TMCO6: variants seen among roughly 807,000 people sequenced by gnomAD.
TMCO6 encodes the protein transmembrane and coiled-coil domains 6.
In TMCO6, 47 loss-of-function variants were observed where a neutral mutation model predicts 61.8. The observed-to-expected ratio is 0.76, with a 90% CI of 0.60 to 0.97. The LOEUF (loss-of-function observed/expected upper bound fraction) is 0.97. TMCO6 is among the 50% of genes least tolerant of loss of function. The pLI is 0.00. For synonymous variants in TMCO6, 261 were observed against 254.2 expected, an observed-to-expected ratio of 1.03 and a Z score of -0.25; for missense variants, 557 against 601.6, an observed-to-expected ratio of 0.93 and a Z score of 0.78.
chr5:140,636,233 G>A (rs189877280), upstream of TMCO6, among the ~76,000 whole-genome samples: 118 of 152,246 alleles, frequency 7.8e-4, 1 homozygote, highest in African/African-American at 2.7e-3. Flanking sequence ...CCTGACCTCA[G>A]GTGATCCACC....
At chr5:140,631,570 T>C in the TMCO6 span, among the ~76,000 whole-genome samples, 1 of 152,214 alleles carries the variant, frequency 6.6e-6, no homozygotes, top group Non-Finnish European at 1.5e-5. Context: ...AGTCCTTTCC[T>C]GGCTCCTTCT....
chr5:140,639,194 C>T, upstream of TMCO6: 1 of 268,430 alleles, frequency 3.7e-6, no homozygotes, highest in Non-Finnish European at 7.3e-6. Flanking sequence ...GTTGTGTTTG[C>T]TGAGTAGATT....
the TMCO6 span, among the ~76,000 whole-genome samples, chr5:140,623,967 C>G: frequency 1.5e-3 from 235 of 152,266 alleles, 1 homozygote; most frequent in Middle Eastern, 3.4e-3. Flanking sequence ...CATTTCCCCC[C>G]ACTTCTACTA....
chr5:140,642,017 C>G lies in TMCO6; in HGVS notation c.462C>G (p.Leu154=). Residue 154 remains leucine, a synonymous_variant, in exon 4 of 12, where the codon CTC becomes CTG. Transcript: ENST00000394671. ...CCTGCCTGCCAGCCACTTCTTACCTCCTCACCTACCTCTCCAGTCACAGCT... is the reference window on the plus strand; with the variant it reads ...CCTGCCTGCCAGCCACTTCTTACCTGCTCACCTACCTCTCCAGTCACAGCT... ...AEACLPATSY[L]LTYLSSHSSD... 1 of 1,612,124 alleles carries G rather than the reference C, an allele frequency of 6.2e-7. No homozygotes were observed. Among genetic ancestry groups the G allele is most frequent in the Non-Finnish European group, 8.5e-7 (1 of 1,178,270 alleles).
the TMCO6 span, among the ~76,000 whole-genome samples, chr5:140,607,690 C>T: frequency 6.6e-6 from 1 of 152,016 alleles, no homozygotes; most frequent in Non-Finnish European, 1.5e-5. Flanking sequence ...TCCTTCTTCT[C>T]CACCTTCTTG....
the TMCO6 span, among the ~76,000 whole-genome samples, chr5:140,598,736 C>T: frequency 6.6e-6 from 1 of 152,120 alleles, no homozygotes. Context: ...AATTTTGAGA[C>T]CAGCCTGGTC....
the TMCO6 span, among the ~76,000 whole-genome samples, chr5:140,607,687 T>C: frequency 1.3e-5 from 2 of 152,176 alleles, no homozygotes; most frequent in African/African-American, 4.8e-5. Context: ...GGTTCCTTCT[T>C]CTCCACCTTC....
At chr5:140,647,166 C>A (rs1757448849), downstream of TMCO6, 5 of 1,368,920 alleles carry the variant, frequency 3.7e-6, no homozygotes, top group Non-Finnish European at 4.9e-6. Context: ...AGTTTCTCCA[C>A]GGGTTTCTGC....
chr5:140,619,691 T>C, the TMCO6 span, among the ~76,000 whole-genome samples: 1 of 152,168 alleles, frequency 6.6e-6, no homozygotes, highest in African/African-American at 2.4e-5. Context: ...TGTAAAAAAG[T>C]GTGCCTCTAA....
chr5:140,602,964 C>T, the TMCO6 span, among the ~76,000 whole-genome samples: 5 of 151,802 alleles, frequency 3.3e-5, no homozygotes, highest in Non-Finnish European at 7.4e-5. Context: ...CAAAAATTAG[C>T]CAGGGTGAGC....
the TMCO6 span, among the ~76,000 whole-genome samples, chr5:140,631,182 G>A: frequency 3.9e-5 from 6 of 152,206 alleles, no homozygotes; most frequent in East Asian, 7.7e-4. Flanking sequence ...CCATTATGTC[G>A]GGGAGTGACA....
chr5:140,611,730 A>G, the TMCO6 span, among the ~76,000 whole-genome samples: 65 of 152,198 alleles, frequency 4.3e-4, no homozygotes, highest in African/African-American at 1.4e-3. Flanking sequence ...CATAAGACAT[A>G]TTGGTCTGTA....
chr5:140,640,607 C>T (rs1314503514), intron 2 of TMCO6, among the ~76,000 whole-genome samples: 1 of 152,114 alleles, frequency 6.6e-6, no homozygotes, highest in Admixed American at 6.5e-5. Flanking sequence ...TCATGTTTGT[C>T]AGGCTGGTCT....
At chr5:140,636,155 C>T (rs114821297), upstream of TMCO6, among the ~76,000 whole-genome samples, 434 of 152,262 alleles carry the variant, frequency 2.9e-3, no homozygotes, top group African/African-American at 1.0e-2. Flanking sequence ...CGTGCCACCA[C>T]ACCTGGTTAA....
At position 140,645,009 on chromosome 5, in the gene TMCO6, T is replaced by C. The variant is rs369325042; in HGVS notation, c.1393T>C (p.Ser465Pro). ...GGCTGTTCAGGTCTTCCTGCAGCAG[T>C]CAGGGCTGCAAGCCCTGGAAAGGCA... is the stretch of plus-strand genomic sequence containing the variant. ...PEAVQVFLQQ[S>P]GLQALERHQE... is the part of the protein sequence containing the mutation. The change falls in exon 12 of 12, where the codon TCA becomes CCA. Residue 465 changes from serine (S) to proline (P), a missense_variant. Physicochemically the swap from Ser to Pro is moderately conservative, Grantham distance 74. Transcript: ENST00000394671. The C allele has an allele frequency of 7.1e-5, 115 of 1,614,064 alleles. No individual in the cohort carries two copies. Among genetic ancestry groups the C allele is most frequent in the Non-Finnish European group, 9.2e-5 (108 of 1,180,008 alleles).
chr5:140,609,563 C>A, the TMCO6 span, among the ~76,000 whole-genome samples: 1 of 151,800 alleles, frequency 6.6e-6, no homozygotes, highest in Non-Finnish European at 1.5e-5. Context: ...TGGATCCAAG[C>A]CCCCTACCTC....
the TMCO6 span, among the ~76,000 whole-genome samples, chr5:140,614,678 G>A: frequency 2.0e-5 from 3 of 151,400 alleles, no homozygotes; most frequent in Non-Finnish European, 4.4e-5. Flanking sequence ...GCAGTGGCAC[G>A]ATCTTGGCTC....
the TMCO6 span, among the ~76,000 whole-genome samples, chr5:140,605,728 CACACACACACA>C: frequency 0.062 from 4,439 of 71,922 alleles, 92 homozygotes; most frequent in African/African-American, 0.099. Flanking sequence ...CACACACACA[CACACACACACA>C]AAGAAAGAAG....
At chr5:140,613,386 T>TAAAAAAAAAAAAAAAA in the TMCO6 span, among the ~76,000 whole-genome samples, 3 of 87,434 alleles carry the variant, frequency 3.4e-5, no homozygotes, top group African/African-American at 1.6e-4. Flanking sequence ...AGACTCTGAC[T>TAAAAAAAAAAAAAAAA]AAAAAAAAAA....
Sources: gnomAD v4.1 joint callset for allele counts (sites outside exome capture counted in the v4.1 genomes callset) on GRCh38, gnomAD v4.1.1 for gene constraint, MANE v1.5 for transcripts, NCBI Gene and HGNC (gene_info 2026-07-23, HGNC 2026-07-21) for gene names.